Variants in ACTN1 observed in about 807,000 individuals in gnomAD.
ACTN1 encodes the protein actinin alpha 1.
In ACTN1, 30 loss-of-function variants were observed where a neutral mutation model predicts 119.6. The ratio of observed to expected loss-of-function variants is 0.25; its 90% CI spans 0.19 to 0.34. ACTN1 has a LOEUF of 0.34. ACTN1 is among the 10% of genes least tolerant of loss of function. ACTN1 has a pLI of 1.00. For synonymous variants in ACTN1, 429 were observed against 472.6 expected (o/e 0.91, Z 1.20); for missense variants, 764 against 1,223.4 (o/e 0.62, Z 5.60).
chr14:68,951,288 C>A (rs376840299), intron 1 of ACTN1, among the ~76,000 whole-genome samples: 5 of 152,326 alleles, frequency 3.3e-5, no homozygotes, highest in East Asian at 1.9e-4. Context: ...TGACTTGGCC[C>A]AATCCCAGGG....
chr14:68,874,751 C>T lies in ACTN1; in HGVS notation c.*108G>A. ...TCGATGCCACGTGGGCCCCAGCTCACCCGGGTGGAGGCTGGGAGCTGAAAC... is the reference window on the plus strand; with the variant it reads ...TCGATGCCACGTGGGCCCCAGCTCATCCGGGTGGAGGCTGGGAGCTGAAAC... On this transcript the variant is annotated 3_prime_UTR_variant, in exon 22 of 22. Transcript: ENST00000394419. 8.2e-7 allele frequency: 1 copy of T among 1,220,580 alleles called. No individual in the cohort carries two copies. The highest frequency in any genetic ancestry group is 1.1e-6 in the Non-Finnish European group (1 of 921,646). 75.6% of individuals were successfully genotyped at this position (1,220,580 alleles called of 1,614,324 possible). A position where few individuals can be genotyped will look rare whatever the true frequency, so the allele number is the denominator to read the frequency against.
At position 68,920,990 on chromosome 14, in the gene ACTN1, C is replaced by T. The variant is rs759121869; in HGVS notation, c.340+16G>A. 1 of 1,613,242 alleles carries T rather than the reference C, an allele frequency of 6.2e-7. No individual in the cohort carries two copies. The highest frequency in any genetic ancestry group is 1.7e-5 in the Admixed American group (1 of 59,880). On this transcript the variant is annotated intron_variant, in intron 3 of 21. Coordinates refer to ENST00000394419, the MANE Select transcript of ACTN1 (RefSeq NM_001130004.2). ...AGAAAATCAGGCTCCTTGGGGCCAC[C>T]AGAGGTAGGCCTTACCTTCGGCTCC...
intron 1 of ACTN1, among the ~76,000 whole-genome samples, chr14:68,934,401 T>G (rs1424631750): frequency 2.0e-5 from 3 of 152,260 alleles, no homozygotes; most frequent in Non-Finnish European, 2.9e-5. Flanking sequence ...ACGCACATGC[T>G]GCCATGCTTG....
intron 3 of ACTN1, among the ~76,000 whole-genome samples, chr14:68,914,273 C>T (rs191284831): frequency 6.6e-6 from 1 of 152,080 alleles, no homozygotes; most frequent in African/African-American, 2.4e-5. Context: ...AATGCACTTT[C>T]ATTTGTTATT....
chr14:68,977,731 T>C (rs1394373279), intron 1 of ACTN1: 2 of 316,026 alleles, frequency 6.3e-6, no homozygotes, highest in East Asian at 1.1e-4. Flanking sequence ...AATGTTACCA[T>C]TTTTGGACAT....
chr14:68,909,278 G>C lies in ACTN1; in HGVS notation c.594+40C>G. The C allele has an allele frequency of 6.2e-7, 1 of 1,601,976 alleles. No homozygotes were observed. The highest frequency in any genetic ancestry group is 1.8e-4 in the Middle Eastern group (1 of 5,438). Reference sequence around the variant, plus strand: ...GTCCTGCTCTTTTCCCACCCCACCTGCCAGGGACCCAAAGCGGGTGGTCAG... The same window carrying C: ...GTCCTGCTCTTTTCCCACCCCACCTCCCAGGGACCCAAAGCGGGTGGTCAG... On this transcript the variant is annotated intron_variant, in intron 6 of 21. Coordinates refer to ENST00000394419, the MANE Select transcript of ACTN1 (RefSeq NM_001130004.2). This position sits in a 1 kb window ranked among gnomAD's most constrained non-coding sequence, Gnocchi z 4.1.
chr14:68,948,838 T>C (rs552701745), intron 1 of ACTN1, among the ~76,000 whole-genome samples: 47 of 152,296 alleles, frequency 3.1e-4, no homozygotes, highest in Admixed American at 2.8e-3. Flanking sequence ...GTGATCTAGC[T>C]GACAGAACAG....
intron 1 of ACTN1, among the ~76,000 whole-genome samples, chr14:68,945,024 G>T (rs528577852): frequency 1.3e-5 from 2 of 151,898 alleles, no homozygotes; most frequent in African/African-American, 4.8e-5. Context: ...AAATTAGCTG[G>T]GTGTGGTGGC....
chr14:68,960,340 ATCC>A (rs1212195545), intron 1 of ACTN1, among the ~76,000 whole-genome samples: 1 of 152,256 alleles, frequency 6.6e-6, no homozygotes, highest in Non-Finnish European at 1.5e-5. Context: ...AGATCTTAGT[ATCC>A]TCATCACATA....
At chr14:68,893,857 G>T in intron 8 of ACTN1, 110 bp from the exon 9 acceptor site, 1 of 1,024,304 alleles carries the variant, frequency 9.8e-7, no homozygotes, top group South Asian at 1.5e-5. Context: ...CCTGTGGTTG[G>T]AAGGGAGTTA....
intron 2 of ACTN1, among the ~76,000 whole-genome samples, chr14:68,922,770 C>A (rs2034718967): frequency 6.6e-6 from 1 of 152,236 alleles, no homozygotes; most frequent in Non-Finnish European, 1.5e-5. Flanking sequence ...CAGCCCCTTT[C>A]CCCCTCTCAC....
chr14:68,954,236 T>C (rs1262646425), intron 1 of ACTN1, among the ~76,000 whole-genome samples: 1 of 152,202 alleles, frequency 6.6e-6, no homozygotes, highest in Non-Finnish European at 1.5e-5. Context: ...TCAGGATGGA[T>C]AGTTTGTTAA....
At position 68,879,138 on chromosome 14, in the gene ACTN1, C is replaced by T. The variant is rs2031242073; in HGVS notation, c.2281-69G>A. ...GAGGTGGAGCCGTGAGGGGGGCATG[C>T]CCCGGGGGAGGGTGGCGTGTGTGGG... On this transcript the variant is annotated intron_variant, in intron 18 of 21. Coordinates refer to ENST00000394419, the MANE Select transcript of ACTN1 (RefSeq NM_001130004.2). This position sits in a 1 kb window ranked among gnomAD's most constrained non-coding sequence, Gnocchi z 4.9. The T allele has an allele frequency of 1.7e-6, 2 of 1,188,300 alleles. No homozygotes were observed. The highest frequency in any genetic ancestry group is 1.5e-5 in the South Asian group (1 of 66,852). The allele number at this position is 1,188,300 out of a possible 1,614,324, so 73.6% of individuals were successfully genotyped here.
intron 1 of ACTN1, among the ~76,000 whole-genome samples, chr14:68,973,082 C>T (rs1236914391): frequency 1.3e-5 from 2 of 152,124 alleles, no homozygotes; most frequent in Non-Finnish European, 2.9e-5. Flanking sequence ...CAGACTTGCC[C>T]GCCAGATAAC....
intron 10 of ACTN1, 33 bp from the exon 11 acceptor site, chr14:68,890,319 G>A (rs1366177179): frequency 4.2e-5 from 67 of 1,610,922 alleles, no homozygotes; most frequent in Non-Finnish European, 5.5e-5. Context: ...GTCAGGGTCT[G>A]GCTTGGGCCT....
Position 68,878,318 on chromosome 14 carries a change from A to G in ACTN1, c.2427+140T>C. 4 of 1,291,336 alleles carry G rather than the reference A, an allele frequency of 3.1e-6. No individual in the cohort carries two copies. In the South Asian group the frequency reaches 6.7e-5, roughly 22 times the overall value. 80.0% of individuals were successfully genotyped at this position (1,291,336 alleles called of 1,614,324 possible). On this transcript the variant is annotated intron_variant, in intron 20 of 21. Coordinates refer to ENST00000394419, the MANE Select transcript of ACTN1 (RefSeq NM_001130004.2). This position sits in a 1 kb window ranked among gnomAD's most constrained non-coding sequence, Gnocchi z 4.4. ...CGGCTTTCAGGGAGCCATCTTCCCC[A>G]AGGACATGGGCCCTGGGGCTCCTCC...
intron 1 of ACTN1, among the ~76,000 whole-genome samples, chr14:68,931,772 A>G (rs2035231423): frequency 6.6e-6 from 1 of 152,170 alleles, no homozygotes; most frequent in African/African-American, 2.4e-5. Context: ...GGGAGCTACT[A>G]TTCTTAGAAT....
At chr14:68,896,712 G>A (rs980606218) in intron 8 of ACTN1, among the ~76,000 whole-genome samples, 7 of 152,164 alleles carry the variant, frequency 4.6e-5, no homozygotes, top group South Asian at 2.1e-4. Context: ...AGAGAACCCC[G>A]GGAGAGACCT....
At chr14:68,929,123 CG>C (rs1566648214) in intron 1 of ACTN1, among the ~76,000 whole-genome samples, 1 of 135,512 alleles carries the variant, frequency 7.4e-6, no homozygotes, top group East Asian at 2.4e-4. Context: ...GGAACAGTGG[CG>C]TGGGTGCAGA....
Sources: gnomAD v4.1 joint callset for allele counts (sites outside exome capture counted in the v4.1 genomes callset) on GRCh38, gnomAD v4.1.1 for gene constraint, Gnocchi (gnomAD v3.1) non-coding constraint, MANE v1.5 for transcripts, NCBI Gene and HGNC (gene_info 2026-07-23, HGNC 2026-07-21) for gene names.